NAV2: variants seen among roughly 807,000 people sequenced by gnomAD.
NAV2 encodes the protein helicase, APC down-regulated 1.
A neutral mutation model predicts 223.2 loss-of-function variants in NAV2; 54 were observed. The ratio of observed to expected loss-of-function variants is 0.24; its 90% CI spans 0.19 to 0.30. The LOEUF (loss-of-function observed/expected upper bound fraction) is 0.30, where lower values mean the gene tolerates loss of function less well. NAV2 is among the 10% of genes least tolerant of loss of function. The probability of loss-of-function intolerance (pLI) is 1.00; values close to 1 mark genes in which losing one functional copy is unlikely to be tolerated. For missense variants in NAV2, 2,806 were observed against 3,147.5 expected (o/e 0.89, Z 2.60); for synonymous variants, 1,279 against 1,239.3 (o/e 1.03, Z -0.67).
chr11:19,576,978 AAGGAATTAAAGTATCTTACAGC>A (rs1198105979), intron 1 of NAV2, among the ~76,000 whole-genome samples: 2 of 152,178 alleles, frequency 1.3e-5, no homozygotes, highest in Non-Finnish European at 2.9e-5. Context: ...CTTGTTCACT[AAGGAATTAAAGTATCTTACAGC>A]AGGAATTTGT....
At chr11:19,356,203 G>T (rs966329333) in intron 1 of NAV2, among the ~76,000 whole-genome samples, 2 of 152,168 alleles carry the variant, frequency 1.3e-5, no homozygotes, top group Non-Finnish European at 2.9e-5. Context: ...CACTGAAGAC[G>T]AAAGGAGAGA....
intron 11 of NAV2, 128 bp from the exon 12 acceptor site, chr11:20,035,831 G>A (rs1228200914): frequency 9.5e-6 from 10 of 1,052,446 alleles, no homozygotes; most frequent in African/African-American, 1.6e-5. Context: ...TGAGTCAAGA[G>A]AGCTTTGTCC....
At chr11:19,922,414 T>C (rs2044356583) in intron 6 of NAV2, among the ~76,000 whole-genome samples, 1 of 152,144 alleles carries the variant, frequency 6.6e-6, no homozygotes, top group Admixed American at 6.5e-5. Context: ...TTGAGCATGG[T>C]TTAGGGTCAT....
At chr11:20,112,794 T>C (rs1359139928) in intron 36 of NAV2, among the ~76,000 whole-genome samples, 3 of 152,344 alleles carry the variant, frequency 2.0e-5, no homozygotes, top group Admixed American at 6.5e-5. Context: ...CAGGCCTTGA[T>C]TGGCCCATCT....
At chr11:19,864,557 T>G (rs2061979126) in intron 3 of NAV2, among the ~76,000 whole-genome samples, 1 of 152,236 alleles carries the variant, frequency 6.6e-6, no homozygotes, top group Non-Finnish European at 1.5e-5. Context: ...TTGTTTGGCA[T>G]TTGTTTTGAT....
chr11:19,436,338 T>TC (rs1477426833), intron 1 of NAV2, among the ~76,000 whole-genome samples: 1 of 152,200 alleles, frequency 6.6e-6, no homozygotes, highest in East Asian at 1.9e-4. Context: ...GACTGTTCTT[T>TC]CCCCCATTGT....
chr11:19,717,515 G>A (rs2152340046), intron 1 of NAV2, among the ~76,000 whole-genome samples: 1 of 152,364 alleles, frequency 6.6e-6, no homozygotes, highest in Middle Eastern at 3.4e-3. Flanking sequence ...TGTGATAGTG[G>A]AGAATGAAGA....
At position 19,978,212 on chromosome 11, in the gene NAV2, TC is replaced by T. The variant is rs144389617; in HGVS notation, c.2646-5912del. 8.2e-3 allele frequency among the ~76,000 whole-genome samples: 1,246 copies of T among 152,190 alleles called. 22 individuals are homozygous for T. The highest frequency in any genetic ancestry group is 0.029 in the African/African-American group (1,194 of 41,534). ...TCCTACGACCCGGAGTGAAGTTGATTCATCTGTCTTCTCAGAGGCCCTAAAC... is the reference window on the plus strand; with the variant it reads ...TCCTACGACCCGGAGTGAAGTTGATTATCTGTCTTCTCAGAGGCCCTAAAC... On this transcript the variant is annotated intron_variant, in intron 10 of 37. Coordinates refer to ENST00000349880, the MANE Select transcript of NAV2 (RefSeq NM_145117.5).
At chr11:20,048,552 T>C (rs111755163) in intron 14 of NAV2, among the ~76,000 whole-genome samples, 176 bp from the exon 15 acceptor site, 24 of 152,314 alleles carry the variant, frequency 1.6e-4, no homozygotes, top group African/African-American at 5.1e-4. Flanking sequence ...TGCACTAGTG[T>C]CTAGGCCCAC....
intron 1 of NAV2, among the ~76,000 whole-genome samples, chr11:19,699,202 CAATT>C (rs964352868): frequency 6.6e-6 from 1 of 152,222 alleles, no homozygotes; most frequent in African/African-American, 2.4e-5. Flanking sequence ...TAGAATCAGA[CAATT>C]AAGAATTTGA....
At chr11:19,716,310 T>C (rs1258432144) in intron 1 of NAV2, among the ~76,000 whole-genome samples, 1 of 152,182 alleles carries the variant, frequency 6.6e-6, no homozygotes, top group East Asian at 1.9e-4. Context: ...GCGTCTGTCA[T>C]ATACTAGCTA....
chr11:20,035,029 G>A (rs1719152566), intron 11 of NAV2, among the ~76,000 whole-genome samples: 1 of 152,116 alleles, frequency 6.6e-6, no homozygotes, highest in African/African-American at 2.4e-5. Context: ...AGAGAGTTTG[G>A]ACTCTTAATT....
chr11:19,898,798 A>G (rs763379168), intron 6 of NAV2, among the ~76,000 whole-genome samples: 1 of 152,234 alleles, frequency 6.6e-6, no homozygotes, highest in Non-Finnish European at 1.5e-5. Flanking sequence ...TACTTTCTCT[A>G]CATACTTGAT....
At chr11:19,782,750 G>C (rs1444210025) in intron 1 of NAV2, among the ~76,000 whole-genome samples, 1 of 152,154 alleles carries the variant, frequency 6.6e-6, no homozygotes. Flanking sequence ...TCTAATATAA[G>C]AGCAATAGCC....
At chr11:19,639,220 A>T (rs1489748543) in intron 1 of NAV2, among the ~76,000 whole-genome samples, 1 of 152,094 alleles carries the variant, frequency 6.6e-6, no homozygotes, top group Non-Finnish European at 1.5e-5. Flanking sequence ...ATATTTGAGG[A>T]CCCCCGACAT....
chr11:19,967,964 A>G (rs2048909269), intron 10 of NAV2, among the ~76,000 whole-genome samples: 1 of 152,154 alleles, frequency 6.6e-6, no homozygotes, highest in South Asian at 2.1e-4. Context: ...TTCTTCTGAA[A>G]AATGTTTAAC....
intron 1 of NAV2, among the ~76,000 whole-genome samples, chr11:19,487,807 G>A (rs1163838378): frequency 6.6e-6 from 1 of 151,890 alleles, no homozygotes; most frequent in Non-Finnish European, 1.5e-5. Context: ...TACCTCAGAA[G>A]CCATGACTGT....
chr11:19,955,505 A>AG (rs1306778276), intron 10 of NAV2, among the ~76,000 whole-genome samples: 10 of 152,246 alleles, frequency 6.6e-5, no homozygotes, highest in African/African-American at 2.4e-4. Context: ...TTGAGGACGT[A>AG]GCCACATGTC....
In NAV2 at chr11:19,641,220, G is replaced by C. The variant is rs150091773; in HGVS notation, c.76-191264G>C. On this transcript the variant is annotated intron_variant, in intron 1 of 37. Coordinates refer to the NAV2 transcript ENST00000360655. The stretch of plus-strand genomic sequence containing the variant: ...GACCTTTCCCAGCCCTAGGAATTTT[G>C]ACTCTACATAGTTTGACTTTGTAAT... Among the ~76,000 whole-genome samples, 695 of 152,208 alleles carry C rather than the reference G, an allele frequency of 4.6e-3. 5 individuals carry two copies. Among genetic ancestry groups the C allele is most frequent in the African/African-American group, 0.016 (664 of 41,532 alleles).
Sources: allele counts gnomAD v4.1 joint callset (sites outside exome capture counted in the v4.1 genomes callset), GRCh38; gene constraint gnomAD v4.1.1; transcripts MANE v1.5; gene names NCBI Gene and HGNC (gene_info 2026-07-23, HGNC 2026-07-21).